The following EVI5 variants were observed in gnomAD, a reference collection of about 807,000 sequenced individuals.
EVI5 encodes ecotropic viral integration site 5, also known as ecotropic viral integration site 5 protein homolog.
A neutral mutation model predicts 112.0 loss-of-function variants in EVI5; 73 were observed. The ratio of observed to expected loss-of-function variants is 0.65; its 90% confidence interval spans 0.54 to 0.79. The LOEUF (loss-of-function observed/expected upper bound fraction) is 0.79. Among genes scored for constraint, EVI5 ranks in the 30% least tolerant of loss-of-function variants. The pLI, the probability that EVI5 is intolerant of heterozygous loss-of-function variation, is 0.00. For missense variants in EVI5, 900 were observed against 968.8 expected (o/e 0.93, Z 0.94); for synonymous variants, 305 against 319.9 (o/e 0.95, Z 0.50).
At chr1:92,622,098 C>T (rs1029795425) in intron 16 of EVI5, among the ~76,000 whole-genome samples, 12 of 149,006 alleles carry the variant, frequency 8.1e-5, no homozygotes, top group African/African-American at 2.5e-4. Context: ...CCAGCCTGGG[C>T]GACAAAGCAA....
chr1:92,734,005 A>G (rs1444527854), intron 2 of EVI5, among the ~76,000 whole-genome samples: 1 of 152,216 alleles, frequency 6.6e-6, no homozygotes, highest in Non-Finnish European at 1.5e-5. Flanking sequence ...TACAAGACAC[A>G]TGTACCATAT....
At chr1:92,755,668 G>A (rs1290851851) in intron 1 of EVI5, 1 of 152,160 alleles carries the variant, frequency 6.6e-6, no homozygotes, top group Non-Finnish European at 1.5e-5. Context: ...AACAATGGGG[G>A]GAGCTTGGCC....
chr1:92,725,996 T>C (rs184866223), intron 2 of EVI5, among the ~76,000 whole-genome samples: 7 of 152,290 alleles, frequency 4.6e-5, no homozygotes, highest in Non-Finnish European at 7.3e-5. Flanking sequence ...AACTTAGATA[T>C]GGCAAAAGAC....
At chr1:92,643,869 C>T (rs1382748176) in intron 13 of EVI5, among the ~76,000 whole-genome samples, 1 of 151,774 alleles carries the variant, frequency 6.6e-6, no homozygotes, top group African/African-American at 2.4e-5. Flanking sequence ...TCTGGAGTAA[C>T]ATGAAAGAGT....
chr1:92,693,945 TA>T, intron 8 of EVI5, 46 bp from the exon 9 acceptor site: 1 of 1,127,952 alleles, frequency 8.9e-7, no homozygotes, highest in Non-Finnish European at 1.3e-6. Context: ...TTAGTGCTGT[TA>T]ATAGTGAAAT....
intron 13 of EVI5, among the ~76,000 whole-genome samples, chr1:92,644,886 T>G (rs1660658673): frequency 6.6e-6 from 1 of 152,192 alleles, no homozygotes; most frequent in African/African-American, 2.4e-5. Flanking sequence ...TTTGTATGAT[T>G]TCAATTACTT....
rs185417842 is a variant in EVI5 at position 92,634,320 on chromosome 1, C to T, written c.1527+1882G>A. On this transcript the variant is annotated intron_variant, in intron 14 of 19. Coordinates refer to ENST00000684568, the MANE Select transcript of EVI5 (RefSeq NM_001350197.2). ...CCCCGTCACTTTCAGGTACACCAAT[C>T]AGACGTAGATTTGGTCTTTTCACAT... Among the ~76,000 whole-genome samples, 345 of 152,320 alleles carry T rather than the reference C, an allele frequency of 2.3e-3. 2 individuals are homozygous for T. Among genetic ancestry groups the T allele is most frequent in the East Asian group, 9.1e-3 (47 of 5,188 alleles).
At chr1:92,527,434 GAAA>G (rs1278358112) in intron 19 of EVI5, among the ~76,000 whole-genome samples, 2 of 128,526 alleles carry the variant, frequency 1.6e-5, no homozygotes, top group Non-Finnish European at 3.4e-5. Context: ...AAAAAAAAAA[GAAA>G]AAAAGAAATA....
chr1:92,676,958 G>A (rs1666846959), intron 10 of EVI5, among the ~76,000 whole-genome samples, 200 bp downstream of exon 10: 1 of 152,114 alleles, frequency 6.6e-6, no homozygotes, highest in Non-Finnish European at 1.5e-5. Context: ...CTAGAAAAAG[G>A]GAAGAGCTTG....
At chr1:92,736,322 A>C in intron 2 of EVI5, 76 bp downstream of exon 2, 1 of 962,650 alleles carries the variant, frequency 1.0e-6, no homozygotes, top group Admixed American at 2.7e-5. Flanking sequence ...AATAGAAAAA[A>C]AAATTCTAGT....
chr1:92,752,027 A>T (rs1680273218), intron 1 of EVI5, among the ~76,000 whole-genome samples: 1 of 151,936 alleles, frequency 6.6e-6, no homozygotes, highest in African/African-American at 2.4e-5. Context: ...AAAAAATAAT[A>T]ATTTTCCCTT....
intron 19 of EVI5, among the ~76,000 whole-genome samples, chr1:92,548,698 A>T (rs1199641600): frequency 6.6e-6 from 1 of 152,166 alleles, no homozygotes; most frequent in Admixed American, 6.5e-5. Flanking sequence ...CTTATACACC[A>T]ATAACAGACA....
chr1:92,541,461 A>C (rs1664791659), intron 19 of EVI5, among the ~76,000 whole-genome samples: 1 of 152,192 alleles, frequency 6.6e-6, no homozygotes, highest in Non-Finnish European at 1.5e-5. Context: ...AAAAATAAAT[A>C]ATAAATGTTA....
At chr1:92,564,402 G>T (rs1431197827) in intron 18 of EVI5, among the ~76,000 whole-genome samples, 1 of 151,968 alleles carries the variant, frequency 6.6e-6, no homozygotes, top group African/African-American at 2.4e-5. Flanking sequence ...TTTCATTCTT[G>T]GGAATCTGCT....
At chr1:92,659,979 CAG>C (rs772841944) in intron 13 of EVI5, among the ~76,000 whole-genome samples, 33 of 151,826 alleles carry the variant, frequency 2.2e-4, no homozygotes, top group Non-Finnish European at 2.2e-4. Flanking sequence ...TAAAATAACT[CAG>C]AAAGTCAAAT....
At chr1:92,600,409 T>C (rs1648884849) in intron 18 of EVI5, among the ~76,000 whole-genome samples, 1 of 152,188 alleles carries the variant, frequency 6.6e-6, no homozygotes. Context: ...AACTTTGTTT[T>C]ATTAACTTCT....
At chr1:92,642,791 T>C (rs186702111) in intron 13 of EVI5, among the ~76,000 whole-genome samples, 10 of 131,962 alleles carry the variant, frequency 7.6e-5, no homozygotes, top group African/African-American at 2.9e-4. Flanking sequence ...GAAGAAATCC[T>C]GTCTAGCCTC....
intron 18 of EVI5, among the ~76,000 whole-genome samples, chr1:92,564,476 G>C (rs554303636): frequency 6.6e-6 from 1 of 152,026 alleles, no homozygotes; most frequent in Admixed American, 6.6e-5. Flanking sequence ...CTCTAAAAAG[G>C]GGAGGACAAC....
At chr1:92,561,124 G>C (rs1173054223) in intron 19 of EVI5, among the ~76,000 whole-genome samples, 1 of 152,102 alleles carries the variant, frequency 6.6e-6, no homozygotes, top group Non-Finnish European at 1.5e-5. Context: ...AAAAGCCTTA[G>C]AGCCAAATCT....
Sources: gnomAD v4.1 joint callset for allele counts (sites outside exome capture counted in the v4.1 genomes callset) on GRCh38, gnomAD v4.1.1 for gene constraint, MANE v1.5 for transcripts, NCBI Gene and HGNC (gene_info 2026-07-23, HGNC 2026-07-21) for gene names.